The following NRXN3 variants were observed in gnomAD, a reference collection of about 807,000 sequenced individuals.
NRXN3 encodes the protein neurexin III.
Under a neutral mutation model 137.6 loss-of-function variants are expected in NRXN3, and 32 were observed. The ratio of observed to expected loss-of-function variants is 0.23; its 90% CI spans 0.18 to 0.31. The LOEUF (loss-of-function observed/expected upper bound fraction) is 0.31. Ranked by LOEUF, NRXN3 falls within the 10% of genes least tolerant of loss-of-function variation. The pLI is 1.00. For synonymous variants in NRXN3, 798 were observed against 784.5 expected, an observed-to-expected ratio of 1.02 and a Z score of -0.29; for missense variants, 1,574 against 2,062.5, an observed-to-expected ratio of 0.76 and a Z score of 4.59.
At chr14:78,485,435 C>G (rs1363585258) in intron 4 of NRXN3, among the ~76,000 whole-genome samples, 1 of 152,180 alleles carries the variant, frequency 6.6e-6, no homozygotes, top group African/African-American at 2.4e-5. Context: ...CAGATGACTA[C>G]AATAAACACA....
intron 1 of NRXN3, among the ~76,000 whole-genome samples, chr14:78,215,705 C>T (rs966937689): frequency 2.9e-5 from 4 of 138,124 alleles, no homozygotes; most frequent in African/African-American, 1.1e-4. Context: ...TGTTTCCTGC[C>T]GCTGCTTTGT....
chr14:79,280,168 C>T (rs1183607122), intron 15 of NRXN3: 8 of 1,511,504 alleles, frequency 5.3e-6, no homozygotes, highest in Non-Finnish European at 7.0e-6. Context: ...ATATTGCTTC[C>T]CTCTTCCCCG....
rs140462547 is a variant in NRXN3 at position 79,682,378 on chromosome 14, T to C, written c.3617-9795T>C. 5.5e-3 allele frequency among the ~76,000 whole-genome samples: 830 copies of C among 152,280 alleles called. 10 individuals carry two copies. Among genetic ancestry groups the C allele is most frequent in the African/African-American group, 0.019 (790 of 41,566 alleles). ...TTGCCAAGTAGAATTAACGAGGCAT[T>C]GTATGAATTCAAGACATACTACAAC... is the stretch of plus-strand genomic sequence containing the variant. On this transcript the variant is annotated intron_variant, in intron 17 of 20. Coordinates refer to ENST00000335750, the MANE Select transcript of NRXN3 (RefSeq NM_001330195.2).
intron 15 of NRXN3, among the ~76,000 whole-genome samples, chr14:79,385,308 T>A (rs2094581843): frequency 6.9e-6 from 1 of 145,388 alleles, no homozygotes; most frequent in African/African-American, 2.5e-5. Flanking sequence ...GAATATGTGG[T>A]GTTTGGTTTT....
intron 16 of NRXN3, among the ~76,000 whole-genome samples, chr14:79,520,554 C>T (rs2097054186): frequency 6.6e-6 from 1 of 152,132 alleles, no homozygotes; most frequent in Non-Finnish European, 1.5e-5. Flanking sequence ...AGTTTCTGTT[C>T]CTGTGTTAGT....
At chr14:79,070,799 G>C (rs1650195858) in intron 15 of NRXN3, among the ~76,000 whole-genome samples, 1 of 152,020 alleles carries the variant, frequency 6.6e-6, no homozygotes, top group African/African-American at 2.4e-5. Flanking sequence ...ATTTATGGTA[G>C]GAAAATTTAG....
chr14:79,392,092 C>T (rs143261789), intron 15 of NRXN3, among the ~76,000 whole-genome samples: 6 of 152,086 alleles, frequency 3.9e-5, no homozygotes, highest in Admixed American at 6.5e-5. Flanking sequence ...TTGCTGCACC[C>T]ATCAACCCAT....
chr14:78,239,191 C>T (rs939988896), intron 1 of NRXN3, among the ~76,000 whole-genome samples: 3 of 152,240 alleles, frequency 2.0e-5, no homozygotes, highest in African/African-American at 7.2e-5. Flanking sequence ...GGCCCTGTGG[C>T]AGACACCGTG....
intron 6 of NRXN3, among the ~76,000 whole-genome samples, chr14:78,691,209 A>C (rs1007040433): frequency 5.3e-5 from 8 of 152,170 alleles, no homozygotes; most frequent in African/African-American, 1.9e-4. Context: ...AACATCAGTA[A>C]TATTATTTTA....
At chr14:79,389,737 C>T (rs1288831849) in intron 15 of NRXN3, among the ~76,000 whole-genome samples, 1 of 152,140 alleles carries the variant, frequency 6.6e-6, no homozygotes, top group Non-Finnish European at 1.5e-5. Flanking sequence ...GGTTCAAGGA[C>T]TAGGGCTTTT....
intron 15 of NRXN3, among the ~76,000 whole-genome samples, chr14:79,252,887 A>G (rs747065643): frequency 6.6e-6 from 1 of 152,108 alleles, no homozygotes; most frequent in Non-Finnish European, 1.5e-5. Context: ...TTCAAGACAT[A>G]CTTCAAGAGT....
chr14:78,557,386 C>A (rs2096749048), intron 4 of NRXN3, among the ~76,000 whole-genome samples: 1 of 151,936 alleles, frequency 6.6e-6, no homozygotes, highest in Non-Finnish European at 1.5e-5. Flanking sequence ...CTCTTCCCTC[C>A]TGCTTAATTG....
intron 16 of NRXN3, among the ~76,000 whole-genome samples, chr14:79,531,809 T>C (rs1033002255): frequency 3.9e-5 from 6 of 152,206 alleles, no homozygotes; most frequent in Non-Finnish European, 8.8e-5. Flanking sequence ...TGGACACCTG[T>C]TGAATCTCTG....
chr14:79,240,928 T>C (rs2074183978), intron 15 of NRXN3, among the ~76,000 whole-genome samples: 1 of 152,138 alleles, frequency 6.6e-6, no homozygotes, highest in South Asian at 2.1e-4. Flanking sequence ...TTTTCCCCAA[T>C]AGGGTCTATG....
At chr14:79,575,735 A>G (rs559093859) in intron 16 of NRXN3, among the ~76,000 whole-genome samples, 1 of 152,216 alleles carries the variant, frequency 6.6e-6, no homozygotes, top group South Asian at 2.1e-4. Context: ...TCCATGTTTG[A>G]GTATATATAC....
intron 8 of NRXN3, among the ~76,000 whole-genome samples, chr14:78,718,794 G>T (rs2098446205): frequency 6.6e-6 from 1 of 152,102 alleles, no homozygotes; most frequent in South Asian, 2.1e-4. Flanking sequence ...ATTTTTGTTG[G>T]CTATTCATAG....
chr14:79,659,330 G>A (rs1269523467), intron 16 of NRXN3, among the ~76,000 whole-genome samples: 2 of 152,010 alleles, frequency 1.3e-5, no homozygotes, highest in Non-Finnish European at 2.9e-5. Context: ...TGATGGCTGT[G>A]GAGTTATTAA....
intron 4 of NRXN3, among the ~76,000 whole-genome samples, chr14:78,494,847 G>A (rs1334655594): frequency 6.6e-6 from 1 of 151,962 alleles, no homozygotes; most frequent in Non-Finnish European, 1.5e-5. Flanking sequence ...TAACGGTCTG[G>A]AATACCACCT....
At chr14:79,784,283 G>A (rs1568240540) in intron 19 of NRXN3, among the ~76,000 whole-genome samples, 1 of 152,284 alleles carries the variant, frequency 6.6e-6, no homozygotes, top group East Asian at 1.9e-4. Flanking sequence ...GTTGCATGAT[G>A]CTTCAAGGTC....
Sources: allele counts gnomAD v4.1 joint callset (sites outside exome capture counted in the v4.1 genomes callset), GRCh38; gene constraint gnomAD v4.1.1; transcripts MANE v1.5; gene names NCBI Gene and HGNC (gene_info 2026-07-23, HGNC 2026-07-21).